Variants in HNRNPA1 observed in about 807,000 individuals in gnomAD.
HNRNPA1 encodes epididymis secretory sperm binding protein.
In HNRNPA1, 7 loss-of-function variants were observed where a neutral mutation model predicts 44.4. That is an observed-to-expected ratio of 0.16 (90% CI 0.09 to 0.30). The LOEUF is 0.30. HNRNPA1 is among the 10% of genes least tolerant of loss of function. The probability of loss-of-function intolerance (pLI) is 1.00; values close to 1 mark genes in which losing one functional copy is unlikely to be tolerated. For synonymous variants in HNRNPA1, 169 were observed against 160.6 expected, an observed-to-expected ratio of 1.05 and a Z score of -0.40; for missense variants, 193 against 465.8, an observed-to-expected ratio of 0.41 and a Z score of 5.39.
intron 1 of HNRNPA1, 47 bp from the exon 2 acceptor site, chr12:54,281,339 G>GT: frequency 9.8e-7 from 1 of 1,019,024 alleles, no homozygotes; most frequent in Non-Finnish European, 1.5e-6. Context: ...GATGGAAATT[G>GT]TTTCGTGTTG....
chr12:54,284,203 T>C, intron 9 of HNRNPA1, 55 bp from the exon 10 acceptor site: 3 of 1,562,718 alleles, frequency 1.9e-6, no homozygotes, highest in Non-Finnish European at 2.6e-6. Context: ...ATCCCAAATA[T>C]GAAAACATTA....
chr12:54,283,563 G>A (rs979305881), intron 8 of HNRNPA1, among the ~76,000 whole-genome samples: 2 of 152,082 alleles, frequency 1.3e-5, no homozygotes, highest in African/African-American at 4.8e-5. Context: ...CAAGGCTGAA[G>A]GGTATGCTTG....
chr12:54,283,057 G>A (rs754928681), intron 7 of HNRNPA1, 22 bp from the exon 8 acceptor site: 2 of 1,610,248 alleles, frequency 1.2e-6, no homozygotes, highest in African/African-American at 2.7e-5. Context: ...TTGTCTTATT[G>A]AGAAGAATTG....
chr12:54,287,064 T>C lies in HNRNPA1; in HGVS notation c.*2520T>C, dbSNP rs1944273937. On this transcript the variant is annotated 3_prime_UTR_variant, in exon 11 of 11. Transcript: ENST00000340913. The stretch of plus-strand genomic sequence containing the variant: ...TTCCATTTTGTGAATGGGTTTTTTT[T>C]TTTAATAAACTGTATTTAACTTAGT... 6.6e-6 allele frequency: 1 copy of C among 152,140 alleles called. No individual in the cohort carries two copies. The highest frequency in any genetic ancestry group is 1.9e-4 in the East Asian group (1 of 5,192). The allele number at this position is 152,140 out of a possible 1,614,324, so 9.4% of individuals were successfully genotyped here.
Position 54,284,153 on chromosome 12 carries a change from C to T in HNRNPA1, c.1064-105C>T, listed in dbSNP as rs192472649. ...CTTTACCACCTCCCTTGTAGTAGGG[C>T]CATTTTTAAATGGCCAGACACTTGA... is the stretch of plus-strand genomic sequence containing the variant. On this transcript the variant is annotated intron_variant, in intron 9 of 10. Transcript: ENST00000340913. 1.1e-3 allele frequency: 1,424 copies of T among 1,311,460 alleles called. 3 individuals are homozygous for T. The highest frequency in any genetic ancestry group is 1.4e-3 in the Non-Finnish European group (1,342 of 937,396). 81.2% of individuals were successfully genotyped at this position (1,311,460 alleles called of 1,614,324 possible). A position where few individuals can be genotyped will look rare whatever the true frequency, so the allele number is the denominator to read the frequency against.
rs1477484845 is a variant in HNRNPA1 at position 54,286,630 on chromosome 12, G to A, written c.*2086G>A. On this transcript the variant is annotated 3_prime_UTR_variant, in exon 11 of 11. Transcript: ENST00000340913. ...TAGCTTGAGATGGGACTTGGTCTTA[G>A]AGCTAGTTCTAAAGGTTGTTTACTT... The A allele has an allele frequency of 6.6e-6, 1 of 152,146 alleles. No homozygotes were observed. Among genetic ancestry groups the A allele is most frequent in the East Asian group, 1.9e-4 (1 of 5,194 alleles). 9.4% of individuals were successfully genotyped at this position (152,146 alleles called of 1,614,324 possible). A position where few individuals can be genotyped will look rare whatever the true frequency, so the allele number is the denominator to read the frequency against.
At chr12:54,281,681 G>C in intron 2 of HNRNPA1, 114 bp from the exon 3 acceptor site, 1 of 1,209,806 alleles carries the variant, frequency 8.3e-7, no homozygotes, top group Non-Finnish European at 1.2e-6. Flanking sequence ...GTGGGAAACT[G>C]GACGACTTTT....
At chr12:54,282,358 C>A in intron 4 of HNRNPA1, 36 bp from the exon 5 acceptor site, 3 of 1,610,188 alleles carry the variant, frequency 1.9e-6, no homozygotes, top group East Asian at 4.5e-5. Context: ...GCATTCTAAA[C>A]CCTGATACCA....
At position 54,281,374 on chromosome 12, in the gene HNRNPA1, C is replaced by G; in HGVS notation, c.16-12C>G. On this transcript the variant is annotated splice_polypyrimidine_tract_variant and intron_variant, in intron 1 of 10. Transcript: ENST00000340913. The stretch of plus-strand genomic sequence containing the variant: ...GTAGCCCATTTAACACTTCCCCCTC[C>G]CCCCACTCTAGTCTCCTAAAGAGCC... 1 of 1,465,486 alleles carries G rather than the reference C, an allele frequency of 6.8e-7. No individual in the cohort carries two copies. Among genetic ancestry groups the G allele is most frequent in the Admixed American group, 1.9e-5 (1 of 51,448 alleles). The allele number at this position is 1,465,486 out of a possible 1,614,324, so 90.8% of individuals were successfully genotyped here. A position where few individuals can be genotyped will look rare whatever the true frequency, so the allele number is the denominator to read the frequency against.
chr12:54,286,315 TAGTTACTTAA>T lies in HNRNPA1; in HGVS notation c.*1775_*1784del, dbSNP rs1944262037. 6.6e-6 allele frequency: 1 copy of T among 152,214 alleles called. No homozygotes were observed. The highest frequency in any genetic ancestry group is 6.5e-5 in the Admixed American group (1 of 15,272). The allele number at this position is 152,214 out of a possible 1,614,324, so 9.4% of individuals were successfully genotyped here. ...AGAACAGATTTTACTTACATCCATA[TAGTTACTTAA>T]AGTCCAGTTTTCTGTTAAACATTTT... On this transcript the variant is annotated 3_prime_UTR_variant, in exon 11 of 11. Transcript: ENST00000340913.
In HNRNPA1 at chr12:54,280,755, C is replaced by G. The variant is rs200327568; in HGVS notation, c.-53C>G. 1.9e-6 allele frequency: 3 copies of G among 1,610,612 alleles called. No homozygotes were observed. Among genetic ancestry groups the G allele is most frequent in the Middle Eastern group, 1.6e-4 (1 of 6,074 alleles). The stretch of plus-strand genomic sequence containing the variant: ...ACGTTCGTCAGCTTGCTCCTTTCTG[C>G]CCGTGGACGCCGCCGAAGAAGCATC... On this transcript the variant is annotated 5_prime_UTR_variant, in exon 1 of 11. Transcript: ENST00000340913.
intron 8 of HNRNPA1, 63 bp from the exon 9 acceptor site, chr12:54,283,749 A>G: frequency 6.6e-7 from 1 of 1,508,544 alleles, no homozygotes; most frequent in Non-Finnish European, 9.2e-7. Flanking sequence ...CTGACTGCTA[A>G]ACAGAATTGG....
At position 54,282,669 on chromosome 12, in the gene HNRNPA1, T is replaced by C; in HGVS notation, c.676+4T>C. 6.2e-7 allele frequency: 1 copy of C among 1,612,296 alleles called. No individual in the cohort carries two copies. Among genetic ancestry groups the C allele is most frequent in the South Asian group, 1.1e-5 (1 of 91,050 alleles). On this transcript the variant is annotated splice_donor_region_variant and intron_variant, in intron 6 of 10. Coordinates refer to ENST00000340913, the MANE Select transcript of HNRNPA1 (RefSeq NM_031157.4). ...GGAGGAAACTTCAGTGGTCGTGGTATGTATGGTTTATCTACATGTAGTTCT... is the reference window on the plus strand; with the variant it reads ...GGAGGAAACTTCAGTGGTCGTGGTACGTATGGTTTATCTACATGTAGTTCT...
At chr12:54,283,319 G>GTACCACACAA in intron 8 of HNRNPA1, 85 bp downstream of exon 8, 1 of 1,421,254 alleles carries the variant, frequency 7.0e-7, no homozygotes, top group Non-Finnish European at 9.7e-7. Flanking sequence ...GAAGCATTGT[G>GTACCACACAA]TGGTACACTG....
At position 54,283,717 on chromosome 12, in the gene HNRNPA1, G is replaced by A. The variant is rs1944216941; in HGVS notation, c.908-95G>A. ...CCATAGTTTGGGAGAAAGGAAGGCTGATAACTCAACCTTATTTTATTCTGA... is the reference window on the plus strand; with the variant it reads ...CCATAGTTTGGGAGAAAGGAAGGCTAATAACTCAACCTTATTTTATTCTGA... On this transcript the variant is annotated intron_variant, in intron 8 of 10. Transcript: ENST00000340913. The A allele has an allele frequency of 2.3e-5, 28 of 1,236,704 alleles. No individual in the cohort carries two copies. The South Asian group carries it at 3.3e-4, about 15-fold the overall frequency. The allele number at this position is 1,236,704 out of a possible 1,614,324, so 76.6% of individuals were successfully genotyped here.
At position 54,285,873 on chromosome 12, in the gene HNRNPA1, G is replaced by A. The variant is rs1041261786; in HGVS notation, c.*1329G>A. On this transcript the variant is annotated 3_prime_UTR_variant, in exon 11 of 11. Coordinates refer to ENST00000340913, the MANE Select transcript of HNRNPA1 (RefSeq NM_031157.4). Reference sequence around the variant, plus strand: ...TGGAAGTTTGGGGAGGAGGAGGGTGGTGGGAGGTGGGTGGGAGGTGGTGGT... The same window carrying A: ...TGGAAGTTTGGGGAGGAGGAGGGTGATGGGAGGTGGGTGGGAGGTGGTGGT... The A allele has an allele frequency of 8.0e-5, 12 of 149,574 alleles. No homozygotes were observed. Among genetic ancestry groups the A allele is most frequent in the Non-Finnish European group, 1.0e-4 (7 of 67,434 alleles). The allele number at this position is 149,574 out of a possible 1,614,324, so 9.3% of individuals were successfully genotyped here. A position where few individuals can be genotyped will look rare whatever the true frequency, so the allele number is the denominator to read the frequency against.
chr12:54,281,962 C>A (rs199698012), intron 3 of HNRNPA1, 21 bp downstream of exon 3: 2 of 1,610,914 alleles, frequency 1.2e-6, no homozygotes, highest in Non-Finnish European at 1.7e-6. Flanking sequence ...TTTTTTTCTT[C>A]TTCTTCTTAA....
Position 54,285,023 on chromosome 12 carries a change from G to A in HNRNPA1, c.*479G>A, listed in dbSNP as rs1006225712. ...CTTGGGTGGAGAAGCCATTGTCTTC[G>A]GAAACCTTGGTGTAGTTGAACTGAT... On this transcript the variant is annotated 3_prime_UTR_variant, in exon 11 of 11. Coordinates refer to ENST00000340913, the MANE Select transcript of HNRNPA1 (RefSeq NM_031157.4). The A allele has an allele frequency of 3.6e-5, 7 of 194,744 alleles. No homozygotes were observed. Among genetic ancestry groups the A allele is most frequent in the Non-Finnish European group, 6.5e-5 (6 of 92,504 alleles). The allele number at this position is 194,744 out of a possible 1,614,324, so 12.1% of individuals were successfully genotyped here.
In HNRNPA1 at chr12:54,280,787, GTC is replaced by G. The variant is rs1944144465; in HGVS notation, c.-15_-14del. On this transcript the variant is annotated 5_prime_UTR_variant, in exon 1 of 11. Coordinates refer to ENST00000340913, the MANE Select transcript of HNRNPA1 (RefSeq NM_031157.4). ...ACGCCGCCGAAGAAGCATCGTTAAA[GTC>G]TCTCTTCACCCTGCCGTCATGTCTA... 6.2e-7 allele frequency: 1 copy of G among 1,614,066 alleles called. No homozygotes were observed. Among genetic ancestry groups the G allele is most frequent in the Admixed American group, 1.7e-5 (1 of 60,008 alleles).
Sources: gnomAD v4.1 joint callset for allele counts (sites outside exome capture counted in the v4.1 genomes callset) on GRCh38, gnomAD v4.1.1 for gene constraint, MANE v1.5 for transcripts, NCBI Gene and HGNC (gene_info 2026-07-23, HGNC 2026-07-21) for gene names.